Variants in RAB3IL1 observed in about 807,000 individuals in gnomAD.
RAB3IL1 encodes RAB3A interacting protein like 1.
A neutral mutation model predicts 49.2 loss-of-function variants in RAB3IL1; 37 were observed. The observed-to-expected ratio is 0.75, with a 90% CI of 0.58 to 0.99. RAB3IL1 has a LOEUF of 0.99. Ranked by LOEUF, RAB3IL1 falls within the 50% of genes least tolerant of loss-of-function variation. The pLI, the probability that RAB3IL1 is intolerant of heterozygous loss-of-function variation, is 0.00. For synonymous variants in RAB3IL1, 193 were observed against 213.9 expected (o/e 0.90, Z 0.85); for missense variants, 484 against 513.0 (o/e 0.94, Z 0.55).
In RAB3IL1 at chr11:61,917,377, T is replaced by C. The variant is rs1189368377; in HGVS notation, c.-10A>G. 2 of 1,247,902 alleles carry C rather than the reference T, an allele frequency of 1.6e-6. No homozygotes were observed. Among genetic ancestry groups the C allele is most frequent in the Non-Finnish European group, 1.0e-6 (1 of 998,008 alleles). 77.3% of individuals were successfully genotyped at this position (1,247,902 alleles called of 1,614,324 possible). ...CCTACCCGCTCCACATCCCGGCGCC[T>C]CGGGGCGCCCAGGCGTCCGTTCCCA... On this transcript the variant is annotated 5_prime_UTR_variant, in exon 1 of 10. Transcript: ENST00000394836.
chr11:61,945,895 A>G, the RAB3IL1 span: 4 of 858,806 alleles, frequency 4.7e-6, no homozygotes, highest in Non-Finnish European at 5.6e-6. Context: ...CATGGGCAGG[A>G]CTGGGTTTGA....
chr11:61,931,203 G>T, the RAB3IL1 span, among the ~76,000 whole-genome samples: 1 of 152,198 alleles, frequency 6.6e-6, no homozygotes. Flanking sequence ...GCATAACACT[G>T]GAGATTTATT....
chr11:61,925,019 G>A (rs557070005), upstream of RAB3IL1, among the ~76,000 whole-genome samples: 171 of 152,336 alleles, frequency 1.1e-3, 1 homozygote, highest in Non-Finnish European at 1.4e-3. Context: ...TCCCTTCCAA[G>A]GTGGCAGAAT....
chr11:61,935,976 A>C, the RAB3IL1 span, among the ~76,000 whole-genome samples: 33 of 152,240 alleles, frequency 2.2e-4, no homozygotes, highest in African/African-American at 7.7e-4. Flanking sequence ...AAAAAAAGAA[A>C]AAAGAGAAAA....
chr11:61,900,196 CTG>C (rs1938834260), intron 8 of RAB3IL1, among the ~76,000 whole-genome samples: 1 of 152,250 alleles, frequency 6.6e-6, no homozygotes, highest in Non-Finnish European at 1.5e-5. Context: ...GGGGCTGAAG[CTG>C]GGCTGTAGCT....
the RAB3IL1 span, among the ~76,000 whole-genome samples, chr11:61,926,117 A>AAAAAAAAAAAAC: frequency 7.8e-6 from 1 of 127,916 alleles, no homozygotes; most frequent in East Asian, 2.2e-4. Context: ...AAAAAAAAAA[A>AAAAAAAAAAAAC]AAAAAAAAAA....
upstream of RAB3IL1, among the ~76,000 whole-genome samples, chr11:61,924,931 A>T (rs935280128): frequency 6.6e-6 from 1 of 152,172 alleles, no homozygotes; most frequent in Non-Finnish European, 1.5e-5. Flanking sequence ...ATTATTAGAG[A>T]ACAGAGAATC....
At chr11:61,917,282 C>T (rs1315262387) in intron 1 of RAB3IL1, 75 bp downstream of exon 1, 22 of 1,347,970 alleles carry the variant, frequency 1.6e-5, no homozygotes, top group Non-Finnish European at 1.9e-5. Flanking sequence ...CGGCGGGGAC[C>T]CCCGAAATCC....
chr11:61,925,253 A>T (rs1210899106), upstream of RAB3IL1, among the ~76,000 whole-genome samples: 1 of 152,298 alleles, frequency 6.6e-6, no homozygotes, highest in South Asian at 2.1e-4. Flanking sequence ...TTGTTTTCTT[A>T]TCTCTCCACC....
upstream of RAB3IL1, among the ~76,000 whole-genome samples, chr11:61,922,488 C>T (rs1939930504): frequency 6.6e-6 from 1 of 151,788 alleles, no homozygotes; most frequent in African/African-American, 2.4e-5. Context: ...CACCATTGCA[C>T]TCCAGCCTGG....
chr11:61,911,817 GA>G (rs1191998826), intron 1 of RAB3IL1, among the ~76,000 whole-genome samples: 1 of 152,140 alleles, frequency 6.6e-6, no homozygotes, highest in Non-Finnish European at 1.5e-5. Flanking sequence ...GTTCATACAG[GA>G]AAGGCCCCAC....
At chr11:61,940,962 C>T in the RAB3IL1 span, among the ~76,000 whole-genome samples, 3 of 152,022 alleles carry the variant, frequency 2.0e-5, no homozygotes, top group Admixed American at 2.0e-4. Flanking sequence ...GTGGCACGTG[C>T]TTGTAATCCC....
At chr11:61,931,175 T>G in the RAB3IL1 span, among the ~76,000 whole-genome samples, 1 of 152,208 alleles carries the variant, frequency 6.6e-6, no homozygotes, top group Non-Finnish European at 1.5e-5. Flanking sequence ...ACTGGCCAAC[T>G]GCCCCTTTCT....
At chr11:61,939,890 T>C in the RAB3IL1 span, among the ~76,000 whole-genome samples, 22 of 150,666 alleles carry the variant, frequency 1.5e-4, no homozygotes, top group Non-Finnish European at 2.4e-4. Context: ...CCCAGGAGAT[T>C]GAGGCTGCAG....
chr11:61,936,388 A>G, the RAB3IL1 span, among the ~76,000 whole-genome samples: 2 of 152,362 alleles, frequency 1.3e-5, no homozygotes, highest in Admixed American at 1.3e-4. Flanking sequence ...CAAAGATAAA[A>G]AGAGAATCTT....
the RAB3IL1 span, among the ~76,000 whole-genome samples, chr11:61,934,059 T>C: frequency 6.6e-6 from 1 of 152,146 alleles, no homozygotes; most frequent in Non-Finnish European, 1.5e-5. Context: ...CCCTGTTCTA[T>C]AGAGGTAGAA....
intron 1 of RAB3IL1, among the ~76,000 whole-genome samples, chr11:61,908,607 T>A (rs370461757): frequency 2.0e-4 from 30 of 152,326 alleles, no homozygotes; most frequent in African/African-American, 7.2e-4. Flanking sequence ...CGTCTTTGTC[T>A]AACAGGTGAC....
In RAB3IL1 at chr11:61,906,437, C is replaced by T. The variant is rs1028672029; in HGVS notation, c.657+29G>A. ...TACCGCAGGCACTGCCACCCTTCCC[C>T]GTGCCCAGAGCCCGCTTCCCACCCT... is the stretch of plus-strand genomic sequence containing the variant. On this transcript the variant is annotated intron_variant, in intron 5 of 9. Transcript: ENST00000394836. The surrounding 1 kb of genome is among the most constrained non-coding windows in gnomAD (Gnocchi z 4.6). 34 of 1,530,938 alleles carry T rather than the reference C, an allele frequency of 2.2e-5. No individual in the cohort carries two copies. The highest frequency in any genetic ancestry group is 2.7e-5 in the African/African-American group (2 of 72,776). The allele number at this position is 1,530,938 out of a possible 1,614,324, so 94.8% of individuals were successfully genotyped here. A position where few individuals can be genotyped will look rare whatever the true frequency, so the allele number is the denominator to read the frequency against.
Position 61,906,073 on chromosome 11 carries a change from C to T in RAB3IL1, c.657+393G>A, listed in dbSNP as rs1939167556. On this transcript the variant is annotated intron_variant, in intron 5 of 9. Coordinates refer to ENST00000394836, the MANE Select transcript of RAB3IL1 (RefSeq NM_013401.4). This position sits in a 1 kb window ranked among gnomAD's most constrained non-coding sequence, Gnocchi z 4.6. The stretch of plus-strand genomic sequence containing the variant: ...GTGGTCCTGGGGCTCGAGGCTGTGG[C>T]CACACGGGGTCCAGGCAGCCTCTCC... 6.6e-6 allele frequency among the ~76,000 whole-genome samples: 1 copy of T among 152,086 alleles called. No individual in the cohort carries two copies. The highest frequency in any genetic ancestry group is 1.5e-5 in the Non-Finnish European group (1 of 68,002).
Sources: gnomAD v4.1 joint callset for allele counts (sites outside exome capture counted in the v4.1 genomes callset) on GRCh38, gnomAD v4.1.1 for gene constraint, Gnocchi (gnomAD v3.1) non-coding constraint, MANE v1.5 for transcripts, NCBI Gene and HGNC (gene_info 2026-07-23, HGNC 2026-07-21) for gene names.